The following ZFAND6 variants were observed in gnomAD, a reference collection of about 807,000 sequenced individuals.
ZFAND6 encodes AN1-type zinc finger protein 6.
ZFAND6 carries 12 observed loss-of-function variants against 24.5 expected under a neutral mutation model. The observed-to-expected ratio is 0.49, with a 90% CI of 0.31 to 0.79. The LOEUF is 0.79. ZFAND6 is among the 30% of genes least tolerant of loss of function. ZFAND6 has a pLI of 0.04. For synonymous variants in ZFAND6, 92 were observed against 81.5 expected (o/e 1.13, Z -0.69); for missense variants, 207 against 245.9 (o/e 0.84, Z 1.06).
At chr15:80,065,805 A>C (rs189413329) in intron 1 of ZFAND6, among the ~76,000 whole-genome samples, 1,904 of 151,958 alleles carry the variant, frequency 0.013, 24 homozygotes, top group Middle Eastern at 0.024. Flanking sequence ...TCGGCCTCCC[A>C]AAGTGCTGGG....
At chr15:80,101,291 G>A (rs1423684007) in intron 2 of ZFAND6, among the ~76,000 whole-genome samples, 1 of 151,958 alleles carries the variant, frequency 6.6e-6, no homozygotes, top group Non-Finnish European at 1.5e-5. Flanking sequence ...TGAAACCTCC[G>A]TCTCTACTAA....
chr15:80,066,753 T>A (rs1008249465), intron 1 of ZFAND6, among the ~76,000 whole-genome samples: 2 of 150,400 alleles, frequency 1.3e-5, no homozygotes, highest in Admixed American at 6.6e-5. Context: ...CAAAATTAGC[T>A]GGGCGTGGTG....
intron 5 of ZFAND6, among the ~76,000 whole-genome samples, chr15:80,127,360 G>C (rs1429844929): frequency 6.6e-6 from 1 of 152,030 alleles, no homozygotes; most frequent in African/African-American, 2.4e-5. Flanking sequence ...GGCTGAGGCG[G>C]GCGGATCACC....
intron 2 of ZFAND6, among the ~76,000 whole-genome samples, chr15:80,108,035 T>G (rs1445347516): frequency 6.6e-6 from 1 of 152,202 alleles, no homozygotes; most frequent in Non-Finnish European, 1.5e-5. Context: ...AACAGTTTAT[T>G]TCTCTGTAAA....
At chr15:80,104,756 G>C (rs1264906847) in intron 2 of ZFAND6, among the ~76,000 whole-genome samples, 1 of 151,966 alleles carries the variant, frequency 6.6e-6, no homozygotes, top group East Asian at 1.9e-4. Flanking sequence ...GAATAGAGTT[G>C]AATGGCTTCC....
intron 1 of ZFAND6, among the ~76,000 whole-genome samples, chr15:80,083,467 C>G (rs2037803777): frequency 6.6e-6 from 1 of 152,036 alleles, no homozygotes; most frequent in Admixed American, 6.5e-5. Context: ...GAAAAGAGAC[C>G]AGATTATCAT....
intron 1 of ZFAND6, among the ~76,000 whole-genome samples, chr15:80,094,507 C>T (rs781624652): frequency 4.7e-4 from 63 of 133,786 alleles, no homozygotes; most frequent in Admixed American, 1.6e-3. Context: ...GAAAATTTGT[C>T]TTCCACGAAA....
intron 2 of ZFAND6, among the ~76,000 whole-genome samples, chr15:80,117,100 T>A (rs1022442901): frequency 1.1e-4 from 17 of 152,236 alleles, no homozygotes; most frequent in Non-Finnish European, 1.8e-4. Context: ...TATCAGAAAC[T>A]CTCAGAATAT....
At chr15:80,062,977 T>A (rs1164596985) in intron 1 of ZFAND6, among the ~76,000 whole-genome samples, 2 of 152,224 alleles carry the variant, frequency 1.3e-5, no homozygotes, top group African/African-American at 4.8e-5. Flanking sequence ...ATAGAAGTCA[T>A]CTGTTACCAT....
intron 2 of ZFAND6, among the ~76,000 whole-genome samples, chr15:80,106,044 T>C (rs1185101614): frequency 1.3e-5 from 2 of 152,238 alleles, no homozygotes; most frequent in African/African-American, 2.4e-5. Flanking sequence ...TCTGTTCTTG[T>C]ACCTACATTG....
intron 2 of ZFAND6, among the ~76,000 whole-genome samples, chr15:80,102,003 A>C (rs1484213919): frequency 6.6e-6 from 1 of 151,582 alleles, no homozygotes; most frequent in Non-Finnish European, 1.5e-5. Context: ...TTAGCATGTT[A>C]GCCAGGATGG....
chr15:80,123,293 C>T (rs1334375699), intron 5 of ZFAND6, among the ~76,000 whole-genome samples: 1 of 152,194 alleles, frequency 6.6e-6, no homozygotes, highest in Non-Finnish European at 1.5e-5. Context: ...CTTGCCCATG[C>T]TCTTCATATC....
At position 80,118,761 on chromosome 15, in the gene ZFAND6, C is replaced by CT. The variant is rs879267754; in HGVS notation, c.-17-1556dup. Among the ~76,000 whole-genome samples the CT allele has an allele frequency of 6.4e-3, 937 of 146,210 alleles. 9 individuals are homozygous for CT. The highest frequency in any genetic ancestry group is 0.021 in the African/African-American group (858 of 40,110). On this transcript the variant is annotated intron_variant, in intron 2 of 6. Coordinates refer to ENST00000261749, the MANE Select transcript of ZFAND6 (RefSeq NM_019006.4). ...TTAACTATCCTCAACAGTTTTAGGA[C>CT]TTTTTTTTTTTAAAGGCAGCTGCTA...
intron 1 of ZFAND6, among the ~76,000 whole-genome samples, chr15:80,086,514 T>C (rs2038015622): frequency 6.6e-6 from 1 of 152,242 alleles, no homozygotes; most frequent in South Asian, 2.1e-4. Flanking sequence ...TCCCCTTTCC[T>C]ACCACCCATT....
intron 1 of ZFAND6, among the ~76,000 whole-genome samples, chr15:80,076,594 C>T (rs2141836795): frequency 6.6e-6 from 1 of 152,324 alleles, no homozygotes; most frequent in South Asian, 2.1e-4. Flanking sequence ...TAAACATTCT[C>T]TCAGATGGTC....
At chr15:80,081,017 G>A (rs141029436) in intron 1 of ZFAND6, among the ~76,000 whole-genome samples, 83 of 152,304 alleles carry the variant, frequency 5.4e-4, no homozygotes, top group African/African-American at 1.9e-3. Context: ...TTTGAGTGGG[G>A]ACAAATACAC....
chr15:80,125,668 C>T (rs1299064662), intron 5 of ZFAND6, among the ~76,000 whole-genome samples: 2 of 152,222 alleles, frequency 1.3e-5, no homozygotes, highest in South Asian at 4.1e-4. Flanking sequence ...TTCCAGTTCA[C>T]AAATGCTAGC....
At chr15:80,124,494 T>C (rs2040289915) in intron 5 of ZFAND6, among the ~76,000 whole-genome samples, 1 of 152,064 alleles carries the variant, frequency 6.6e-6, no homozygotes, top group Non-Finnish European at 1.5e-5. Flanking sequence ...AAGAATACAA[T>C]AGTATTTACA....
chr15:80,080,185 C>A (rs546786811), intron 1 of ZFAND6, among the ~76,000 whole-genome samples: 3 of 151,710 alleles, frequency 2.0e-5, no homozygotes, highest in African/African-American at 7.3e-5. Flanking sequence ...TTAGTAGCTA[C>A]GGGGTTTCAC....
Sources: gnomAD v4.1 joint callset for allele counts (sites outside exome capture counted in the v4.1 genomes callset) on GRCh38, gnomAD v4.1.1 for gene constraint, MANE v1.5 for transcripts, NCBI Gene and HGNC (gene_info 2026-07-23, HGNC 2026-07-21) for gene names.